CYP39A1: variants seen among roughly 807,000 people sequenced by gnomAD.
The protein encoded by CYP39A1 is 24-hydroxycholesterol 7-alpha-hydroxylase.
A neutral mutation model predicts 58.1 loss-of-function variants in CYP39A1; 49 were observed. That is an observed-to-expected ratio of 0.84 (90% CI 0.67 to 1.07). The LOEUF is 1.07. Among genes scored for constraint, CYP39A1 ranks in the 50% least tolerant of loss-of-function variants. The pLI is 0.00. For synonymous variants in CYP39A1, 209 were observed against 187.6 expected (o/e 1.11, Z -0.93); for missense variants, 531 against 539.4 (o/e 0.98, Z 0.16).
chr6:46,583,294 C>A (rs1772253959), intron 10 of CYP39A1: 10 of 985,210 alleles, frequency 1.0e-5, no homozygotes, highest in Non-Finnish European at 1.2e-5. Context: ...AATGACACAG[C>A]AAATCAGGCA....
intron 1 of CYP39A1, among the ~76,000 whole-genome samples, chr6:46,646,112 C>A (rs1427916736): frequency 6.6e-6 from 1 of 151,938 alleles, no homozygotes; most frequent in Non-Finnish European, 1.5e-5. Context: ...ATTTTCTTTT[C>A]TTTTCTTACT....
At chr6:46,615,064 T>A (rs1416017144) in intron 7 of CYP39A1, among the ~76,000 whole-genome samples, 1 of 152,120 alleles carries the variant, frequency 6.6e-6, no homozygotes, top group Non-Finnish European at 1.5e-5. Flanking sequence ...CAAAGTCTTA[T>A]TTTCATGGTA....
intron 7 of CYP39A1, among the ~76,000 whole-genome samples, chr6:46,623,375 G>T (rs1181722434): frequency 6.6e-6 from 1 of 152,048 alleles, no homozygotes; most frequent in Non-Finnish European, 1.5e-5. Flanking sequence ...CTAGATGATG[G>T]TTAATTCTAT....
At chr6:46,625,904 A>T (rs967684105) in intron 6 of CYP39A1, among the ~76,000 whole-genome samples, 31 of 152,100 alleles carry the variant, frequency 2.0e-4, no homozygotes, top group African/African-American at 7.0e-4. Flanking sequence ...ATTTCTTAAG[A>T]TTTAATTTCC....
Position 46,550,151 on chromosome 6 carries a change from C to G in CYP39A1, c.*215G>C, listed in dbSNP as rs1367983008. 2 of 379,662 alleles carry G rather than the reference C, an allele frequency of 5.3e-6. No homozygotes were observed. Among genetic ancestry groups the G allele is most frequent in the Non-Finnish European group, 9.4e-6 (2 of 213,318 alleles). 23.5% of individuals were successfully genotyped at this position (379,662 alleles called of 1,614,324 possible). On this transcript the variant is annotated 3_prime_UTR_variant, in exon 12 of 12. Transcript: ENST00000275016. ...GGATCATTTGATCATTTCCTATAAA[C>G]CATGTATTCCGGTCTCTATATTACT...
chr6:46,553,966 A>T (rs1770542918), intron 10 of CYP39A1, 112 bp from the exon 11 acceptor site: 1 of 689,498 alleles, frequency 1.5e-6, no homozygotes, highest in Non-Finnish European at 2.4e-6. Flanking sequence ...TCTTCTTTAC[A>T]ATATACTCTT....
chr6:46,583,582 C>T lies in CYP39A1; in HGVS notation c.1250+3495G>A. ...ATGCTGCTCTTTCCTGTTTGTTTTT[C>T]TGAAACAAAACAAAACAGAAATAAA... On this transcript the variant is annotated intron_variant, in intron 10 of 11. Transcript: ENST00000275016. 4.1e-6 allele frequency: 4 copies of T among 985,318 alleles called. No homozygotes were observed. In the South Asian group the frequency reaches 1.4e-4, roughly 35 times the overall value. The allele number at this position is 985,318 out of a possible 1,614,324, so 61.0% of individuals were successfully genotyped here.
intron 7 of CYP39A1, among the ~76,000 whole-genome samples, chr6:46,615,734 T>TAA (rs201723641): frequency 7.2e-6 from 1 of 139,528 alleles, no homozygotes; most frequent in African/African-American, 2.6e-5. Flanking sequence ...TCCTCTGGAA[T>TAA]AAAAAAAAAA....
chr6:46,624,923 G>GT (rs1403775388), intron 7 of CYP39A1, among the ~76,000 whole-genome samples: 3 of 151,958 alleles, frequency 2.0e-5, no homozygotes, highest in South Asian at 2.1e-4. Context: ...AACCATAAGG[G>GT]TTTTTTTATT....
intron 1 of CYP39A1, 65 bp from the exon 2 acceptor site, chr6:46,642,363 C>T (rs1776395499): frequency 1.4e-6 from 2 of 1,445,940 alleles, no homozygotes; most frequent in South Asian, 2.6e-5. Context: ...GACCATTCTC[C>T]TCAAGAATCC....
In CYP39A1 at chr6:46,572,854, A is replaced by T. The variant is rs189647336; in HGVS notation, c.1250+14223T>A. ...CCATAGGTTTACTTTACTCTTTTCA[A>T]TTTTTTTCTCCTTAGTCTGGATAAT... is the stretch of plus-strand genomic sequence containing the variant. On this transcript the variant is annotated intron_variant, in intron 10 of 11. Transcript: ENST00000275016. Among the ~76,000 whole-genome samples the T allele has an allele frequency of 2.6e-4, 39 of 151,470 alleles. No homozygotes were observed. The East Asian group carries it at 4.9e-3, about 19-fold the overall frequency.
intron 7 of CYP39A1, among the ~76,000 whole-genome samples, chr6:46,612,496 C>T (rs192044582): frequency 8.5e-5 from 13 of 152,248 alleles, no homozygotes; most frequent in Admixed American, 5.2e-4. Flanking sequence ...TATATGTGGT[C>T]TTCAAGGTTG....
intron 8 of CYP39A1, among the ~76,000 whole-genome samples, chr6:46,591,896 T>C (rs1319739140): frequency 1.3e-5 from 2 of 152,150 alleles, no homozygotes; most frequent in South Asian, 2.1e-4. Flanking sequence ...GAACATCTGG[T>C]CTGACACCGG....
At chr6:46,587,001 G>C (rs993490684) in intron 10 of CYP39A1, 76 bp downstream of exon 10, 2 of 981,108 alleles carry the variant, frequency 2.0e-6, no homozygotes, top group Admixed American at 2.2e-5. Flanking sequence ...AAGAGATTAA[G>C]CCAAAGTTGT....
intron 10 of CYP39A1, among the ~76,000 whole-genome samples, chr6:46,558,824 C>A (rs148330430): frequency 6.6e-6 from 1 of 151,880 alleles, no homozygotes; most frequent in African/African-American, 2.4e-5. Flanking sequence ...GGTGAAACCC[C>A]GTCTCTACTA....
chr6:46,634,451 C>T (rs969964570), intron 5 of CYP39A1, among the ~76,000 whole-genome samples: 2 of 151,488 alleles, frequency 1.3e-5, no homozygotes, highest in Non-Finnish European at 2.9e-5. Context: ...TACCTCATTT[C>T]TTCAGAGTAA....
chr6:46,599,915 A>G (rs1404006788), intron 7 of CYP39A1, among the ~76,000 whole-genome samples: 1 of 152,092 alleles, frequency 6.6e-6, no homozygotes. Flanking sequence ...CATCGCAGAA[A>G]ATGGTAACAA....
intron 7 of CYP39A1, among the ~76,000 whole-genome samples, chr6:46,604,354 C>T (rs187418794): frequency 1.1e-4 from 16 of 152,268 alleles, no homozygotes; most frequent in Admixed American, 8.5e-4. Context: ...CCGATTTTTA[C>T]TCTAGTGCTT....
chr6:46,596,227 G>T, intron 7 of CYP39A1, 107 bp from the exon 8 acceptor site: 1 of 753,034 alleles, frequency 1.3e-6, no homozygotes, highest in Non-Finnish European at 2.1e-6. Context: ...AGCAAGTAAA[G>T]TGTTCCTATT....
Sources: gnomAD v4.1 joint callset for allele counts (sites outside exome capture counted in the v4.1 genomes callset) on GRCh38, gnomAD v4.1.1 for gene constraint, MANE v1.5 for transcripts, NCBI Gene and HGNC (gene_info 2026-07-23, HGNC 2026-07-21) for gene names.